Variants in B4GALNT2 observed in about 807,000 individuals in gnomAD.
The protein encoded by B4GALNT2 is N-acetylneuraminylgalactosylglucosyl-glucoside beta-1,4-N- acetylgalactosaminyltransferase 2.
In B4GALNT2, 42 loss-of-function variants were observed where a neutral mutation model predicts 51.1. That is an observed-to-expected ratio of 0.82 (90% CI 0.64 to 1.06). The LOEUF (loss-of-function observed/expected upper bound fraction) is 1.06. B4GALNT2 is among the 50% of genes least tolerant of loss of function. B4GALNT2 has a pLI of 0.00. For synonymous variants in B4GALNT2, 253 were observed against 251.7 expected (o/e 1.01, Z -0.05); for missense variants, 602 against 633.6 (o/e 0.95, Z 0.54).
chr17:49,168,379 G>A (rs1269934108), intron 9 of B4GALNT2, among the ~76,000 whole-genome samples: 2 of 152,146 alleles, frequency 1.3e-5, no homozygotes, highest in Non-Finnish European at 2.9e-5. Flanking sequence ...CTCTCCCAGT[G>A]GAAGGGAGTG....
rs1344205364 is a variant in B4GALNT2, at chr17:49,172,690, T to C, written c.*2962T>C. 6.5e-6 allele frequency: 1 copy of C among 152,762 alleles called. No homozygotes were observed. The highest frequency in any genetic ancestry group is 6.6e-5 in the Admixed American group (1 of 15,266). 9.5% of individuals were successfully genotyped at this position (152,762 alleles called of 1,614,324 possible). A position where few individuals can be genotyped will look rare whatever the true frequency, so the allele number is the denominator to read the frequency against. On this transcript the variant is annotated 3_prime_UTR_variant, in exon 11 of 11. Transcript: ENST00000393354. The stretch of plus-strand genomic sequence containing the variant: ...ATATAGAGAAAAATGTAGCTAGAGC[T>C]TGGCTAGTACAGCCTGGGGCATTAT...
rs969635646 is a variant in B4GALNT2, at chr17:49,174,981, C to T, written c.*5253C>T. The T allele has an allele frequency of 1.4e-4, 21 of 152,184 alleles. No homozygotes were observed. The highest frequency in any genetic ancestry group is 4.6e-4 in the African/African-American group (19 of 41,450). The allele number at this position is 152,184 out of a possible 1,614,324, so 9.4% of individuals were successfully genotyped here. A position where few individuals can be genotyped will look rare whatever the true frequency, so the allele number is the denominator to read the frequency against. On this transcript the variant is annotated 3_prime_UTR_variant, in exon 11 of 11. Transcript: ENST00000393354. ...TGCTATCCATTGTTGTAACAAATCT[C>T]TTTCCCATAAATGTATAGGTACAGA...
chr17:49,141,212 A>T, intron 1 of B4GALNT2, 35 bp from the exon 2 acceptor site: 2 of 1,586,478 alleles, frequency 1.3e-6, no homozygotes, highest in Non-Finnish European at 1.7e-6. Flanking sequence ...AAGAAAAAAG[A>T]TTTTAACATA....
At chr17:49,146,266 T>C (rs1191845774) in intron 3 of B4GALNT2, among the ~76,000 whole-genome samples, 2 of 152,168 alleles carry the variant, frequency 1.3e-5, no homozygotes, top group Non-Finnish European at 2.9e-5. Context: ...GGGAACATGG[T>C]AAGACCAGTG....
At chr17:49,162,734 A>G (rs1390139687) in intron 7 of B4GALNT2, among the ~76,000 whole-genome samples, 4 of 151,242 alleles carry the variant, frequency 2.6e-5, no homozygotes, top group African/African-American at 7.3e-5. Flanking sequence ...CATGGTGAAA[A>G]CCCATCTCTA....
intron 3 of B4GALNT2, among the ~76,000 whole-genome samples, chr17:49,151,938 G>A (rs1354063406): frequency 6.6e-6 from 1 of 152,124 alleles, no homozygotes; most frequent in Non-Finnish European, 1.5e-5. Flanking sequence ...GGATATTAAG[G>A]ACCATGTGAT....
rs188857665 is a variant in B4GALNT2, at chr17:49,147,849, A to G, written c.354-4951A>G. On this transcript the variant is annotated intron_variant, in intron 3 of 10. Transcript: ENST00000393354. ...TTATATACATGTATGTTATATATAT[A>G]TGTGTGTGTGTGTGTGTATATATAT... 3.1e-3 allele frequency among the ~76,000 whole-genome samples: 462 copies of G among 149,130 alleles called. 3 individuals carry two copies. Among genetic ancestry groups the G allele is most frequent in the African/African-American group, 9.9e-3 (403 of 40,526 alleles).
At chr17:49,146,288 C>G (rs1377651478) in intron 3 of B4GALNT2, among the ~76,000 whole-genome samples, 6 of 152,124 alleles carry the variant, frequency 3.9e-5, no homozygotes, top group African/African-American at 1.4e-4. Flanking sequence ...ATTCCATGAG[C>G]ATGAATCCAT....
At chr17:49,145,886 C>T (rs1056335904) in intron 3 of B4GALNT2, among the ~76,000 whole-genome samples, 1 of 152,112 alleles carries the variant, frequency 6.6e-6, no homozygotes, top group African/African-American at 2.4e-5. Context: ...CCAAAGTGTC[C>T]AGGTGGCAAT....
intron 3 of B4GALNT2, among the ~76,000 whole-genome samples, chr17:49,149,432 G>A (rs1259489836): frequency 6.6e-6 from 1 of 152,022 alleles, no homozygotes; most frequent in Admixed American, 6.6e-5. Flanking sequence ...GATCACTTGA[G>A]GCCAGGAGTT....
chr17:49,158,337 C>T (rs369234714), intron 5 of B4GALNT2, among the ~76,000 whole-genome samples: 13 of 152,158 alleles, frequency 8.5e-5, no homozygotes, highest in African/African-American at 2.9e-4. Context: ...AATGTGACCC[C>T]ATCTGCAAAA....
rs979598629 is a variant in B4GALNT2 at position 49,141,007 on chromosome 17, G to A, written c.15-240G>A. Among the ~76,000 whole-genome samples the A allele has an allele frequency of 1.2e-4, 18 of 151,142 alleles. No individual in the cohort carries two copies. The East Asian group carries it at 1.9e-3, about 16-fold the overall frequency. On this transcript the variant is annotated intron_variant, in intron 1 of 10. Transcript: ENST00000393354. ...GCTGGGATTACAGGTGTGAGCCACC[G>A]TGCCCAGCCTCTAACCTTTTTTTTT...
Position 49,156,576 on chromosome 17 carries a change from T to G in B4GALNT2, c.471T>G (p.Phe157Leu). ...LHTVPIPGLQ[F>L]EGPDAPVYEV... is the part of the protein sequence containing the mutation. ...CCCTGTGTCCTCCAGGCCTCCAGTTTGAAGGACCCGATGCCCCCGTCTATG... is the reference window on the plus strand; with the variant it reads ...CCCTGTGTCCTCCAGGCCTCCAGTTGGAAGGACCCGATGCCCCCGTCTATG... The change falls in exon 5 of 11, where the codon TTT becomes TTG. Residue 157 changes from phenylalanine (F) to leucine (L), a missense_variant. Coordinates refer to ENST00000393354, the MANE Select transcript of B4GALNT2 (RefSeq NM_001159387.2). The G allele has an allele frequency of 6.2e-7, 1 of 1,613,852 alleles. No homozygotes were observed. Among genetic ancestry groups the G allele is most frequent in the Middle Eastern group, 1.6e-4 (1 of 6,062 alleles).
chr17:49,158,000 G>T (rs2042826426), intron 5 of B4GALNT2, among the ~76,000 whole-genome samples: 1 of 152,202 alleles, frequency 6.6e-6, no homozygotes, highest in Non-Finnish European at 1.5e-5. Context: ...CAGAAGGCAA[G>T]AGAAGAGAGT....
chr17:49,126,510 A>C, the B4GALNT2 span, among the ~76,000 whole-genome samples: 2 of 151,164 alleles, frequency 1.3e-5, no homozygotes, highest in Non-Finnish European at 3.0e-5. Flanking sequence ...AAAAAAAAAA[A>C]AACAAACTCC....
intron 7 of B4GALNT2, among the ~76,000 whole-genome samples, chr17:49,163,207 C>T (rs922250357): frequency 6.6e-6 from 1 of 152,126 alleles, no homozygotes; most frequent in Admixed American, 6.6e-5. Context: ...GAAAGCTGTC[C>T]CCTCTCCAGT....
chr17:49,158,959 C>A, intron 5 of B4GALNT2, 78 bp from the exon 6 acceptor site: 1 of 1,504,494 alleles, frequency 6.6e-7, no homozygotes. Context: ...TGGCTCCTGG[C>A]CTGGGTATGT....
upstream of B4GALNT2, among the ~76,000 whole-genome samples, chr17:49,128,584 C>T (rs948271726): frequency 2.0e-5 from 3 of 152,112 alleles, no homozygotes; most frequent in African/African-American, 7.2e-5. Context: ...TAGAAGAAAG[C>T]CTGGCCTGAA....
chr17:49,134,334 T>C (rs1006233137), intron 1 of B4GALNT2, among the ~76,000 whole-genome samples: 9 of 152,248 alleles, frequency 5.9e-5, no homozygotes, highest in Admixed American at 5.9e-4. Context: ...ATATACGTCT[T>C]CTCAAACGTT....
Sources: gnomAD v4.1 joint callset for allele counts (sites outside exome capture counted in the v4.1 genomes callset) on GRCh38, gnomAD v4.1.1 for gene constraint, MANE v1.5 for transcripts, NCBI Gene and HGNC (gene_info 2026-07-23, HGNC 2026-07-21) for gene names.